The following C10orf90 variants were observed in gnomAD, a reference collection of about 807,000 sequenced individuals.
C10orf90 encodes the protein (E2-independent) E3 ubiquitin-conjugating enzyme FATS.
Under a neutral mutation model 62.5 loss-of-function variants are expected in C10orf90, and 56 were observed. The ratio of observed to expected loss-of-function variants is 0.90; its 90% CI spans 0.72 to 1.12. The LOEUF (loss-of-function observed/expected upper bound fraction) is 1.12, where lower values mean the gene tolerates loss of function less well. C10orf90 is among the 50% of genes most tolerant of loss of function. The pLI is 0.00. For missense variants in C10orf90, 970 were observed against 880.4 expected (o/e 1.10, Z -1.29); for synonymous variants, 386 against 340.4 (o/e 1.13, Z -1.47).
chr10:126,608,499 A>G (rs1431663191), intron 2 of C10orf90, among the ~76,000 whole-genome samples: 1 of 152,216 alleles, frequency 6.6e-6, no homozygotes, highest in Non-Finnish European at 1.5e-5. Flanking sequence ...ACAAAATAAA[A>G]TGAAAAAAGA....
In C10orf90 at chr10:126,614,515, C is replaced by T. The variant is rs184731998; in HGVS notation, c.313+32050G>A. On this transcript the variant is annotated intron_variant, in intron 2 of 9. Transcript: ENST00000488181. ...CTACACAAATTCAGATGATCTCTGCCCTTCCCCTGCCTGTGGATTGAGGTG... is the reference window on the plus strand; with the variant it reads ...CTACACAAATTCAGATGATCTCTGCTCTTCCCCTGCCTGTGGATTGAGGTG... Among the ~76,000 whole-genome samples the T allele has an allele frequency of 3.3e-3, 496 of 152,240 alleles. 2 individuals are homozygous for T. Among genetic ancestry groups the T allele is most frequent in the African/African-American group, 0.012 (489 of 41,554 alleles).
At chr10:126,538,499 C>G (rs1407668448) in intron 2 of C10orf90, among the ~76,000 whole-genome samples, 2 of 152,168 alleles carry the variant, frequency 1.3e-5, no homozygotes, top group Admixed American at 1.3e-4. Flanking sequence ...AACTGTGCAT[C>G]AATAAATGCC....
intron 5 of C10orf90, 76 bp from the exon 6 acceptor site, chr10:126,461,661 C>T (rs1859988863): frequency 7.2e-7 from 1 of 1,395,362 alleles, no homozygotes; most frequent in African/African-American, 1.5e-5. Context: ...CCATTAGACA[C>T]AGAAGACAAT....
At chr10:126,548,490 C>G (rs1197247587) in intron 2 of C10orf90, among the ~76,000 whole-genome samples, 1 of 152,166 alleles carries the variant, frequency 6.6e-6, no homozygotes, top group Non-Finnish European at 1.5e-5. Context: ...CCTCTGCCTC[C>G]CCAGTAGCTG....
chr10:126,443,294 G>C (rs1590907579), intron 7 of C10orf90, among the ~76,000 whole-genome samples: 1 of 151,914 alleles, frequency 6.6e-6, no homozygotes, highest in East Asian at 1.9e-4. Flanking sequence ...AAAGAGGAGA[G>C]AAAATCCAAA....
intron 2 of C10orf90, among the ~76,000 whole-genome samples, chr10:126,643,930 A>G (rs893092): frequency 0.58 from 88,635 of 152,160 alleles, 25,954 homozygotes; most frequent in African/African-American, 0.62. Context: ...CAGAGGGCAC[A>G]GGTGGCTGCT....
At chr10:126,661,608 T>A (rs961525431) in intron 1 of C10orf90, among the ~76,000 whole-genome samples, 2 of 151,634 alleles carry the variant, frequency 1.3e-5, no homozygotes, top group African/African-American at 2.4e-5. Context: ...CAGATAGATC[T>A]TACAGTGCTC....
chr10:126,613,544 C>A (rs1326460934), intron 2 of C10orf90, among the ~76,000 whole-genome samples: 3 of 152,348 alleles, frequency 2.0e-5, no homozygotes, highest in Non-Finnish European at 4.4e-5. Flanking sequence ...CCATGCCCGG[C>A]CTCAGATGAC....
At chr10:126,440,574 A>G (rs1055393273) in intron 7 of C10orf90, among the ~76,000 whole-genome samples, 31 of 152,154 alleles carry the variant, frequency 2.0e-4, no homozygotes, top group African/African-American at 6.8e-4. Context: ...TCCCAGCAGG[A>G]GGCCAACAAG....
chr10:126,573,515 G>T (rs550556292), intron 2 of C10orf90, among the ~76,000 whole-genome samples: 2 of 152,166 alleles, frequency 1.3e-5, no homozygotes, highest in South Asian at 4.2e-4. Context: ...GTTCTTTCTT[G>T]CACAAGATCC....
At position 126,565,401 on chromosome 10, in the gene C10orf90, TATATATA is replaced by T. The variant is rs1564874515; in HGVS notation, c.314-51469_314-51463del. 1.4e-4 allele frequency among the ~76,000 whole-genome samples: 8 copies of T among 57,864 alleles called. No individual in the cohort carries two copies. The South Asian group carries it at 3.0e-3, about 22-fold the overall frequency. 38.0% of individuals were successfully genotyped at this position (57,864 alleles called of 152,430 possible). A position where few individuals can be genotyped will look rare whatever the true frequency, so the allele number is the denominator to read the frequency against. On this transcript the variant is annotated intron_variant, in intron 2 of 9. Transcript: ENST00000488181. Reference sequence around the variant, plus strand: ...ATAATATATATTATATATATTATATTATATATAATATATATTATATATATTATATATA... The same window carrying T: ...ATAATATATATTATATATATTATATTATATATATTATATATATTATATATA...
chr10:126,456,753 C>T lies in C10orf90; in HGVS notation c.2188+2287G>A, dbSNP rs146355366. Among the ~76,000 whole-genome samples the T allele has an allele frequency of 4.6e-5, 7 of 152,150 alleles. No homozygotes were observed. The highest frequency in any genetic ancestry group is 7.4e-5 in the Non-Finnish European group (5 of 68,000). On this transcript the variant is annotated intron_variant, in intron 7 of 9. Transcript: ENST00000488181. This position sits in a 1 kb window ranked among gnomAD's most constrained non-coding sequence, Gnocchi z 4.9. ...GGAAATTTGAACATAGAGACACAGA[C>T]GCAGGGAGGATGGCCATGTGGAGAC...
chr10:126,454,420 G>A lies in C10orf90; in HGVS notation c.2188+4620C>T, dbSNP rs79582622. On this transcript the variant is annotated intron_variant, in intron 7 of 9. Transcript: ENST00000488181. Reference sequence around the variant, plus strand: ...CAACTTGCAGGGGCTGTATTCCTATGACCTGCAGAGGTTGTAACTTTACTA... The same window carrying A: ...CAACTTGCAGGGGCTGTATTCCTATAACCTGCAGAGGTTGTAACTTTACTA... Among the ~76,000 whole-genome samples the A allele has an allele frequency of 7.7e-3, 1,162 of 151,158 alleles. 20 individuals carry two copies. Among genetic ancestry groups the A allele is most frequent in the African/African-American group, 0.027 (1,102 of 41,110 alleles).
chr10:126,521,567 G>T, intron 2 of C10orf90: 1 of 835,738 alleles, frequency 1.2e-6, no homozygotes, highest in Non-Finnish European at 1.7e-6. Context: ...GACATTTCTT[G>T]TTAGCAGCAA....
intron 2 of C10orf90, among the ~76,000 whole-genome samples, chr10:126,542,627 A>G (rs559018570): frequency 6.6e-6 from 1 of 152,362 alleles, no homozygotes; most frequent in South Asian, 2.1e-4. Context: ...TAAAACAGTT[A>G]ATTTCGTATT....
chr10:126,475,427 C>A (rs997017611), intron 4 of C10orf90, among the ~76,000 whole-genome samples: 2 of 152,202 alleles, frequency 1.3e-5, no homozygotes, highest in African/African-American at 4.8e-5. Flanking sequence ...GAATATCCCC[C>A]TACAACAACT....
At chr10:126,471,592 G>C (rs1416952540) in intron 4 of C10orf90, among the ~76,000 whole-genome samples, 1 of 152,152 alleles carries the variant, frequency 6.6e-6, no homozygotes, top group African/African-American at 2.4e-5. Flanking sequence ...GTGATCAGAA[G>C]CACCCTGTGT....
At chr10:126,539,573 G>C (rs4962574) in intron 2 of C10orf90, among the ~76,000 whole-genome samples, 1 of 151,844 alleles carries the variant, frequency 6.6e-6, no homozygotes, top group East Asian at 1.9e-4. Context: ...AAATAAATTC[G>C]TTCCATAAAT....
intron 2 of C10orf90, among the ~76,000 whole-genome samples, chr10:126,618,087 C>A (rs141966802): frequency 2.6e-4 from 40 of 152,254 alleles, no homozygotes; most frequent in African/African-American, 9.1e-4. Context: ...CACCATGAGG[C>A]TCAGAAGAGA....
Sources: gnomAD v4.1 joint callset for allele counts (sites outside exome capture counted in the v4.1 genomes callset) on GRCh38, gnomAD v4.1.1 for gene constraint, Gnocchi (gnomAD v3.1) non-coding constraint, MANE v1.5 for transcripts, NCBI Gene and HGNC (gene_info 2026-07-23, HGNC 2026-07-21) for gene names.